The following CAPSL variants were observed in gnomAD, a reference collection of about 807,000 sequenced individuals.
CAPSL encodes calcyphosin-like protein.
In CAPSL, 17 loss-of-function variants were observed where a neutral mutation model predicts 21.3. The observed-to-expected ratio is 0.80, with a 90% CI of 0.55 to 1.20. The LOEUF is 1.20. Ranked by LOEUF, CAPSL falls within the 50% of genes most tolerant of loss-of-function variation. CAPSL has a pLI of 0.00. For synonymous variants in CAPSL, 102 were observed against 89.3 expected (o/e 1.14, Z -0.80); for missense variants, 289 against 259.3 (o/e 1.11, Z -0.79).
intron 1 of CAPSL, among the ~76,000 whole-genome samples, chr5:35,938,131 A>G (rs1303563025): frequency 2.0e-5 from 3 of 152,182 alleles, no homozygotes; most frequent in African/African-American, 7.2e-5. Flanking sequence ...TGAAAGTTGA[A>G]ATGTTTTATT....
At chr5:35,907,800 C>T (rs1561434818) in intron 4 of CAPSL, among the ~76,000 whole-genome samples, 1 of 152,302 alleles carries the variant, frequency 6.6e-6, no homozygotes, top group South Asian at 2.1e-4. Context: ...TCAAGTACAG[C>T]TATGCTTCAC....
intron 2 of CAPSL, among the ~76,000 whole-genome samples, chr5:35,917,064 C>T (rs1166612212): frequency 6.6e-6 from 1 of 152,172 alleles, no homozygotes; most frequent in African/African-American, 2.4e-5. Flanking sequence ...AGGATATGAA[C>T]AGGCACTTCT....
chr5:35,905,265 T>C lies in CAPSL; in HGVS notation c.526-619A>G, dbSNP rs555222842. On this transcript the variant is annotated intron_variant, in intron 4 of 4. Coordinates refer to ENST00000651391, the MANE Select transcript of CAPSL (RefSeq NM_001042625.2). ...TTTGAAATATTGACTAATGTGTTTA[T>C]CTGTGTGGGGATTTTATATTACTTT... Among the ~76,000 whole-genome samples, 3 of 152,346 alleles carry C rather than the reference T, an allele frequency of 2.0e-5. No individual in the cohort carries two copies. The South Asian group carries it at 6.2e-4, about 32-fold the overall frequency.
chr5:35,938,212 C>A (rs1302305527), intron 1 of CAPSL, among the ~76,000 whole-genome samples: 1 of 152,208 alleles, frequency 6.6e-6, no homozygotes, highest in South Asian at 2.1e-4. Context: ...ATCGTTAGAG[C>A]AATTCACCCA....
intron 2 of CAPSL, among the ~76,000 whole-genome samples, chr5:35,915,483 C>A (rs1359565594): frequency 2.6e-5 from 4 of 152,182 alleles, no homozygotes; most frequent in Non-Finnish European, 2.9e-5. Flanking sequence ...CAAACCAAAT[C>A]CAGCAGTACA....
chr5:35,916,701 C>T lies in CAPSL; in HGVS notation c.137+4283G>A, dbSNP rs201777843. 2.6e-5 allele frequency among the ~76,000 whole-genome samples: 4 copies of T among 152,100 alleles called. No individual in the cohort carries two copies. In the South Asian group the frequency reaches 6.2e-4, roughly 24 times the overall value. On this transcript the variant is annotated intron_variant, in intron 2 of 4. Coordinates refer to ENST00000651391, the MANE Select transcript of CAPSL (RefSeq NM_001042625.2). ...AACTGGATCCCTTCCTTACACCTTACACAAAAATTAATTCAAGATGGATTA... is the reference window on the plus strand; with the variant it reads ...AACTGGATCCCTTCCTTACACCTTATACAAAAATTAATTCAAGATGGATTA...
intron 4 of CAPSL, among the ~76,000 whole-genome samples, chr5:35,907,499 T>A (rs962524305): frequency 3.2e-4 from 49 of 152,100 alleles, no homozygotes; most frequent in African/African-American, 1.2e-3. Context: ...TGGGGTTTAG[T>A]GATAGAAAAG....
Position 35,910,521 on chromosome 5 carries a change from C to A in CAPSL, c.160G>T (p.Asp54Tyr), listed in dbSNP as rs575353255. 1 of 1,607,274 alleles carries A rather than the reference C, an allele frequency of 6.2e-7. No homozygotes were observed. Among genetic ancestry groups the A allele is most frequent in the South Asian group, 1.1e-5 (1 of 90,160 alleles). ...LGRVFRIMDD[D>Y]NNRTLDFKEF... is the part of the protein sequence containing the mutation. Reference sequence around the variant, plus strand: ...TTAAAATCAAGGGTTCGATTATTATCGTCATCCATAATTCTAAACACTCTG... The same window carrying A: ...TTAAAATCAAGGGTTCGATTATTATAGTCATCCATAATTCTAAACACTCTG... Residue 54 changes from aspartate (D) to tyrosine (Y), a missense_variant, in exon 3 of 5, where the codon GAT (aspartate) becomes TAT (tyrosine). Coordinates refer to ENST00000651391, the MANE Select transcript of CAPSL (RefSeq NM_001042625.2).
chr5:35,920,911 G>A lies in CAPSL; in HGVS notation c.137+73C>T. 2.0e-6 allele frequency: 3 copies of A among 1,516,160 alleles called. No homozygotes were observed. The South Asian group carries it at 3.7e-5, about 19-fold the overall frequency. The allele number at this position is 1,516,160 out of a possible 1,614,324, so 93.9% of individuals were successfully genotyped here. Reference sequence around the variant, plus strand: ...GGAGATGACTTCCCCAAGACCACGTGGCCAACATTAGCCTCACCTGGCAGA... The same window carrying A: ...GGAGATGACTTCCCCAAGACCACGTAGCCAACATTAGCCTCACCTGGCAGA... On this transcript the variant is annotated intron_variant, in intron 2 of 4. Coordinates refer to ENST00000651391, the MANE Select transcript of CAPSL (RefSeq NM_001042625.2).
chr5:35,929,926 A>AT (rs1309428830), intron 1 of CAPSL, among the ~76,000 whole-genome samples: 3 of 152,012 alleles, frequency 2.0e-5, no homozygotes, highest in Non-Finnish European at 4.4e-5. Flanking sequence ...TGCAGCAGCT[A>AT]TTTTTTTCTG....
At chr5:35,934,587 T>G (rs2149935123) in intron 1 of CAPSL, among the ~76,000 whole-genome samples, 1 of 152,304 alleles carries the variant, frequency 6.6e-6, no homozygotes, top group Non-Finnish European at 1.5e-5. Flanking sequence ...CTGGAGTATT[T>G]ATTTCCCCAG....
chr5:35,916,905 A>G (rs1004487603), intron 2 of CAPSL, among the ~76,000 whole-genome samples: 2 of 152,244 alleles, frequency 1.3e-5, no homozygotes, highest in Admixed American at 6.5e-5. Flanking sequence ...CAGCCAAAGT[A>G]ACTACCATCA....
At chr5:35,913,539 T>C (rs6859465) in intron 2 of CAPSL, among the ~76,000 whole-genome samples, 40,197 of 151,630 alleles carry the variant, frequency 0.27, 5,585 homozygotes, top group African/African-American at 0.34. Context: ...CAGAAGAGAG[T>C]GGGGGCCAAT....
intron 1 of CAPSL, among the ~76,000 whole-genome samples, chr5:35,925,495 T>A (rs1019566504): frequency 6.6e-6 from 1 of 151,776 alleles, no homozygotes; most frequent in African/African-American, 2.4e-5. Context: ...GAGGTATGGG[T>A]GGCAGGGGGA....
At chr5:35,912,457 C>T (rs1009448188) in intron 2 of CAPSL, among the ~76,000 whole-genome samples, 1 of 152,172 alleles carries the variant, frequency 6.6e-6, no homozygotes, top group Non-Finnish European at 1.5e-5. Context: ...GGGAGGCACC[C>T]CCCAGTAGGG....
At chr5:35,920,542 A>G (rs965411657) in intron 2 of CAPSL, among the ~76,000 whole-genome samples, 1 of 152,180 alleles carries the variant, frequency 6.6e-6, no homozygotes, top group Non-Finnish European at 1.5e-5. Flanking sequence ...TTATCTGACA[A>G]GCAATACCAG....
chr5:35,932,780 C>T, intron 1 of CAPSL, among the ~76,000 whole-genome samples: 1 of 152,218 alleles, frequency 6.6e-6, no homozygotes, highest in African/African-American at 2.4e-5. Context: ...ATGCAGAAGA[C>T]TAAGGAAAGC....
At chr5:35,926,277 C>A (rs1356190972) in intron 1 of CAPSL, among the ~76,000 whole-genome samples, 1 of 152,040 alleles carries the variant, frequency 6.6e-6, no homozygotes, top group Non-Finnish European at 1.5e-5. Context: ...AGGGCGGACT[C>A]GGGGCTGGCA....
intron 2 of CAPSL, among the ~76,000 whole-genome samples, chr5:35,914,874 G>C (rs891953105): frequency 2.0e-5 from 3 of 152,046 alleles, no homozygotes; most frequent in African/African-American, 7.2e-5. Flanking sequence ...CAGAACTCAA[G>C]GAAATAGAGA....
Sources: allele counts gnomAD v4.1 joint callset (sites outside exome capture counted in the v4.1 genomes callset), GRCh38; gene constraint gnomAD v4.1.1; transcripts MANE v1.5; gene names NCBI Gene and HGNC (gene_info 2026-07-23, HGNC 2026-07-21).